The following PCID2 variants were observed in gnomAD, a reference collection of about 807,000 sequenced individuals.
The protein encoded by PCID2 is PCI domain containing 2, also known as PCI domain-containing protein 2.
PCID2 carries 41 observed loss-of-function variants against 61.3 expected under a neutral mutation model. The observed-to-expected ratio is 0.67, with a 90% CI of 0.52 to 0.87. The LOEUF is 0.87. PCID2 is among the 40% of genes least tolerant of loss of function. The pLI, the probability that PCID2 is intolerant of heterozygous loss-of-function variation, is 0.00. For missense variants in PCID2, 392 were observed against 493.4 expected (o/e 0.79, Z 1.95); for synonymous variants, 187 against 177.8 (o/e 1.05, Z -0.41).
At chr13:113,191,853 T>G (rs2038645020) in intron 6 of PCID2, among the ~76,000 whole-genome samples, 2 of 151,836 alleles carry the variant, frequency 1.3e-5, no homozygotes, top group East Asian at 3.9e-4. Context: ...AATGCTGGAG[T>G]GCTCCCACCG....
At chr13:113,202,244 C>T (rs573567602) in intron 1 of PCID2, among the ~76,000 whole-genome samples, 3 of 152,332 alleles carry the variant, frequency 2.0e-5, no homozygotes, top group Admixed American at 2.0e-4. Context: ...CACACTGGAG[C>T]CCAACTCCTA....
At position 113,181,874 on chromosome 13, in the gene PCID2, CA is replaced by C. The variant is rs906500092; in HGVS notation, c.686-645del. Among the ~76,000 whole-genome samples, 19 of 152,176 alleles carry C rather than the reference CA, an allele frequency of 1.2e-4. 1 individual carries two copies. On this transcript the variant is annotated intron_variant, in intron 9 of 13. Transcript: ENST00000337344. ...TCCCACAAACTGCACGACAGGCCTG[CA>C]AAGAGTTCAGCACATGCTAACAAGG... is the stretch of plus-strand genomic sequence containing the variant.
chr13:113,208,311 C>G (rs748483828), intron 1 of PCID2: 1 of 1,432,074 alleles, frequency 7.0e-7, no homozygotes, highest in African/African-American at 1.4e-5. Flanking sequence ...CACGTGCCAG[C>G]AAGTGAGGGC....
At chr13:113,185,845 C>T (rs1439271520) in intron 7 of PCID2, 1 of 300,138 alleles carries the variant, frequency 3.3e-6, no homozygotes, top group Non-Finnish European at 6.2e-6. Context: ...AAAACTGCCT[C>T]ATTTGCAGCA....
intron 10 of PCID2, 147 bp downstream of exon 10, chr13:113,180,983 C>A: frequency 1.7e-6 from 1 of 598,768 alleles, no homozygotes; most frequent in Non-Finnish European, 3.0e-6. Context: ...ACACACAATG[C>A]ATGCGCCTTC....
rs565744799 is a variant in PCID2 at position 113,201,445 on chromosome 13, C to T, written c.37-929G>A. Among the ~76,000 whole-genome samples, 7 of 152,246 alleles carry T rather than the reference C, an allele frequency of 4.6e-5. No homozygotes were observed. In the East Asian group the frequency reaches 1.4e-3, roughly 29 times the overall value. ...GGTGGAGACTAGGAGACCCGGGAGC[C>T]TTTTGCCCTATCTAGCGCCTGCCAC... On this transcript the variant is annotated intron_variant, in intron 1 of 13. Transcript: ENST00000337344.
intron 9 of PCID2, among the ~76,000 whole-genome samples, chr13:113,183,299 T>C (rs191225034): frequency 1.2e-4 from 18 of 152,288 alleles, no homozygotes; most frequent in Non-Finnish European, 2.1e-4. Flanking sequence ...TCAATATTAA[T>C]AACAATTTCT....
chr13:113,191,839 G>C (rs890339842), intron 6 of PCID2, among the ~76,000 whole-genome samples: 1 of 152,032 alleles, frequency 6.6e-6, no homozygotes, highest in Non-Finnish European at 1.5e-5. Context: ...ACAGCAATAG[G>C]TAAAATGCTG....
intron 9 of PCID2, chr13:113,183,620 C>G: frequency 7.7e-6 from 2 of 259,568 alleles, no homozygotes; most frequent in Non-Finnish European, 1.2e-5. Context: ...CTTGCATTGC[C>G]TAAAGTTATG....
At chr13:113,166,591 A>C in the PCID2 span, among the ~76,000 whole-genome samples, 1 of 152,198 alleles carries the variant, frequency 6.6e-6, no homozygotes, top group Non-Finnish European at 1.5e-5. Flanking sequence ...GGTGGAGAGG[A>C]AGAAACCGAA....
chr13:113,205,379 T>C (rs2039734974), intron 1 of PCID2, among the ~76,000 whole-genome samples: 1 of 152,112 alleles, frequency 6.6e-6, no homozygotes, highest in Non-Finnish European at 1.5e-5. Context: ...AAACAAGCAT[T>C]GACAAGAAAG....
chr13:113,188,559 G>A (rs963284657), intron 7 of PCID2: 4 of 152,186 alleles, frequency 2.6e-5, no homozygotes, highest in African/African-American at 7.2e-5. Flanking sequence ...GTGCCACAGC[G>A]GCTGACAATC....
At chr13:113,191,774 C>G (rs1487364040) in intron 6 of PCID2, among the ~76,000 whole-genome samples, 1 of 152,200 alleles carries the variant, frequency 6.6e-6, no homozygotes, top group Admixed American at 6.5e-5. Context: ...CACAACAACA[C>G]TAAGCCATTA....
downstream of PCID2, among the ~76,000 whole-genome samples, chr13:113,174,237 C>CAA (rs796254368): frequency 8.9e-4 from 103 of 115,782 alleles, no homozygotes; most frequent in African/African-American, 2.8e-3. Context: ...GACTCCATCT[C>CAA]AAAAAAAAAA....
Position 113,179,156 on chromosome 13 carries a change from G to T in PCID2, c.987-67C>A. On this transcript the variant is annotated intron_variant, in intron 12 of 13. Coordinates refer to ENST00000337344, the MANE Select transcript of PCID2 (RefSeq NM_001127202.4). The surrounding 1 kb of genome is among the most constrained non-coding windows in gnomAD (Gnocchi z 4.3). ...ATGCAATACTCCACAGCCAAGAAAA[G>T]GCACCTCTTAATAAGCCGGTGTTCT... The T allele has an allele frequency of 6.9e-7, 1 of 1,446,572 alleles. No homozygotes were observed. The highest frequency in any genetic ancestry group is 9.4e-7 in the Non-Finnish European group (1 of 1,061,378). 89.6% of individuals were successfully genotyped at this position (1,446,572 alleles called of 1,614,324 possible). A position where few individuals can be genotyped will look rare whatever the true frequency, so the allele number is the denominator to read the frequency against.
intron 9 of PCID2, chr13:113,183,686 G>A: frequency 2.6e-5 from 21 of 815,312 alleles, no homozygotes; most frequent in Non-Finnish European, 3.1e-5. Context: ...AGAGTTTAAA[G>A]TCTGGTTTGA....
At chr13:113,192,923 G>C (rs1373633381) in intron 6 of PCID2, among the ~76,000 whole-genome samples, 6 of 152,140 alleles carry the variant, frequency 3.9e-5, no homozygotes, top group Non-Finnish European at 7.3e-5. Flanking sequence ...ATGGGAAAGA[G>C]AGATCCCTTG....
rs902433781 is a variant in PCID2 at position 113,197,209 on chromosome 13, C to T, written c.235G>A (p.Glu79Lys). 1 of 1,613,868 alleles carries T rather than the reference C, an allele frequency of 6.2e-7. No homozygotes were observed. Among genetic ancestry groups the T allele is most frequent in the African/African-American group, 1.3e-5 (1 of 74,916 alleles). Residue 79 changes from glutamate to lysine, a missense_variant, in exon 4 of 14, where the codon GAG becomes AAG. By Grantham distance (56) the Glu-to-Lys change is moderately conservative. Coordinates refer to ENST00000337344, the MANE Select transcript of PCID2 (RefSeq NM_001127202.4). ...TYAVGNHDFI[E>K]AYKCQTVIVQ... ...ATCACGGTCTGGCACTTGTATGCCT[C>T]TATGAAGTCATGATTCCCCACTGCA... is the stretch of plus-strand genomic sequence containing the variant.
intron 1 of PCID2, 41 bp downstream of exon 1, chr13:113,208,558 G>T: frequency 6.2e-7 from 1 of 1,600,848 alleles, no homozygotes; most frequent in Non-Finnish European, 8.5e-7. Flanking sequence ...AACACGCCGA[G>T]GGCCAACCAC....
Sources: gnomAD v4.1 joint callset for allele counts (sites outside exome capture counted in the v4.1 genomes callset) on GRCh38, gnomAD v4.1.1 for gene constraint, Gnocchi (gnomAD v3.1) non-coding constraint, MANE v1.5 for transcripts, NCBI Gene and HGNC (gene_info 2026-07-23, HGNC 2026-07-21) for gene names.